The following ATP8B4 variants were observed in gnomAD, a reference collection of about 807,000 sequenced individuals.
ATP8B4 encodes the protein ATPase phospholipid transporting 8B4 (putative).
ATP8B4 carries 133 observed loss-of-function variants against 145.6 expected under a neutral mutation model. The observed-to-expected ratio is 0.91, with a 90% CI of 0.79 to 1.05. The LOEUF (loss-of-function observed/expected upper bound fraction) is 1.05, where lower values mean the gene tolerates loss of function less well. ATP8B4 is among the 50% of genes least tolerant of loss of function. The pLI, the probability that ATP8B4 is intolerant of heterozygous loss-of-function variation, is 0.00. For missense variants in ATP8B4, 1,458 were observed against 1,425.2 expected, an observed-to-expected ratio of 1.02 and a Z score of -0.37; for synonymous variants, 507 against 492.9, an observed-to-expected ratio of 1.03 and a Z score of -0.38.
At chr15:49,937,355 A>G (rs1358634835) in intron 14 of ATP8B4, among the ~76,000 whole-genome samples, 1 of 152,138 alleles carries the variant, frequency 6.6e-6, no homozygotes, top group Non-Finnish European at 1.5e-5. Flanking sequence ...AGCTGCCCCA[A>G]TTCTACCCAG....
chr15:49,870,855 A>G (rs1403646547), intron 25 of ATP8B4, among the ~76,000 whole-genome samples: 13 of 152,350 alleles, frequency 8.5e-5, no homozygotes, highest in Admixed American at 7.8e-4. Context: ...CTGGGAGTCT[A>G]TATATTCCTC....
chr15:49,903,513 T>C (rs560727948), intron 20 of ATP8B4, among the ~76,000 whole-genome samples: 1 of 152,326 alleles, frequency 6.6e-6, no homozygotes, highest in African/African-American at 2.4e-5. Context: ...CTGGCTTGCA[T>C]ACAACCTATA....
At chr15:49,977,806 G>C (rs1464604210) in intron 12 of ATP8B4, among the ~76,000 whole-genome samples, 1 of 152,074 alleles carries the variant, frequency 6.6e-6, no homozygotes, top group African/African-American at 2.4e-5. Context: ...TTATCTAAAG[G>C]TAAGGTGATA....
At chr15:50,053,714 G>T (rs1244391549) in intron 3 of ATP8B4, among the ~76,000 whole-genome samples, 1 of 152,058 alleles carries the variant, frequency 6.6e-6, no homozygotes, top group Non-Finnish European at 1.5e-5. Context: ...TTACTACTTG[G>T]TGGGGGGGTG....
chr15:50,149,054 C>T (rs1350175971), intron 1 of ATP8B4, among the ~76,000 whole-genome samples: 1 of 152,122 alleles, frequency 6.6e-6, no homozygotes, highest in Non-Finnish European at 1.5e-5. Flanking sequence ...CCAGGTGATT[C>T]TCTTGTTCAT....
chr15:49,978,876 G>T (rs1208580023), intron 12 of ATP8B4, among the ~76,000 whole-genome samples: 1 of 151,730 alleles, frequency 6.6e-6, no homozygotes, highest in African/African-American at 2.4e-5. Context: ...GAGGCAAAAA[G>T]AGAGACCACC....
rs546107267 is a variant in ATP8B4 at position 50,112,214 on chromosome 15, G to A, written c.-42-5206C>T. Among the ~76,000 whole-genome samples, 48 of 152,264 alleles carry A rather than the reference G, an allele frequency of 3.2e-4. 2 individuals are homozygous for A. In the South Asian group the frequency reaches 7.0e-3, roughly 22 times the overall value. ...GGAAAAGGAAGGAGCCAGGGCAGTT[G>A]AGGAAGAGACAGGAACAGTGCAGGC... On this transcript the variant is annotated intron_variant, in intron 1 of 27. Coordinates refer to ENST00000284509, the MANE Select transcript of ATP8B4 (RefSeq NM_024837.4).
chr15:49,895,792 A>G (rs976782694), intron 23 of ATP8B4: 3 of 152,244 alleles, frequency 2.0e-5, no homozygotes, highest in African/African-American at 7.2e-5. Flanking sequence ...CGTTAGTTTC[A>G]ACTTCACAGT....
At chr15:50,102,732 A>C (rs2056442485) in intron 2 of ATP8B4, among the ~76,000 whole-genome samples, 1 of 151,970 alleles carries the variant, frequency 6.6e-6, no homozygotes, top group Admixed American at 6.6e-5. Flanking sequence ...ATCCTCCCTA[A>C]ATCATTCTAT....
rs775316779 is a variant in ATP8B4 at position 49,901,177 on chromosome 15, T to TC, written c.2203dup (p.Glu735GlyfsTer36). 1.2e-6 allele frequency: 2 copies of TC among 1,613,716 alleles called. No homozygotes were observed. Among genetic ancestry groups the TC allele is most frequent in the Non-Finnish European group, 1.7e-6 (2 of 1,179,720 alleles). ...ATCCAACTCCAGCTGCTGCTTTTTT[T>TC]CACAAACTACATGGCCATTGGAAAA... On this transcript the variant is annotated frameshift_variant, in exon 21 of 28. Transcript: ENST00000284509. LOFTEE classifies it high-confidence loss of function.
intron 1 of ATP8B4, among the ~76,000 whole-genome samples, chr15:50,176,163 C>T (rs777331865): frequency 1.3e-5 from 2 of 151,384 alleles, no homozygotes; most frequent in Non-Finnish European, 2.9e-5. Context: ...TGTATATATA[C>T]ACACACAATG....
At chr15:50,039,005 C>T (rs1812382011) in intron 5 of ATP8B4, among the ~76,000 whole-genome samples, 176 bp from the exon 6 acceptor site, 1 of 152,150 alleles carries the variant, frequency 6.6e-6, no homozygotes, top group South Asian at 2.1e-4. Context: ...TAAATCAAAA[C>T]CCTTCTCACT....
At chr15:49,987,956 G>T (rs188424373) in intron 9 of ATP8B4, among the ~76,000 whole-genome samples, 11 of 152,250 alleles carry the variant, frequency 7.2e-5, no homozygotes, top group African/African-American at 2.4e-4. Context: ...GTTTAAAATA[G>T]CATACTTCTA....
upstream of ATP8B4, among the ~76,000 whole-genome samples, chr15:50,121,674 C>A (rs1027451003): frequency 2.0e-5 from 3 of 151,696 alleles, no homozygotes; most frequent in Admixed American, 6.6e-5. Flanking sequence ...AAAAAAAAAA[C>A]CTTTTATTCC....
rs768977473 is a variant in ATP8B4, at chr15:49,862,287, G to A, written c.3255C>T (p.Phe1085=). Residue 1085 remains phenylalanine (F), a synonymous_variant, in exon 27 of 28, where the codon TTC becomes TTT. Coordinates refer to ENST00000284509, the MANE Select transcript of ATP8B4 (RefSeq NM_024837.4). ...TVASVMPVVA[F]RFLKVDLYPT... ...GGTATAAATCCACCTTCAAAAATCTGAATGCCACCACTGGCATAACTGAAG... is the reference window on the plus strand; with the variant it reads ...GGTATAAATCCACCTTCAAAAATCTAAATGCCACCACTGGCATAACTGAAG... The A allele has an allele frequency of 6.2e-7, 1 of 1,613,586 alleles. No homozygotes were observed. The highest frequency in any genetic ancestry group is 1.3e-5 in the African/African-American group (1 of 74,914).
At chr15:50,073,043 C>A (rs1377048485) in intron 3 of ATP8B4, among the ~76,000 whole-genome samples, 1 of 133,012 alleles carries the variant, frequency 7.5e-6, no homozygotes, top group African/African-American at 3.0e-5. Context: ...CACACACACA[C>A]ACACACACAC....
chr15:50,008,683 C>A (rs1161054936), intron 7 of ATP8B4, among the ~76,000 whole-genome samples: 1 of 152,068 alleles, frequency 6.6e-6, no homozygotes, highest in Admixed American at 6.6e-5. Flanking sequence ...CCAATTGGAG[C>A]CTAGATCTGC....
intron 1 of ATP8B4, among the ~76,000 whole-genome samples, chr15:50,149,104 C>A (rs942983365): frequency 1.3e-5 from 2 of 152,264 alleles, no homozygotes; most frequent in Non-Finnish European, 2.9e-5. Flanking sequence ...CAGAACTAAT[C>A]TCAGGGGTTA....
At chr15:49,953,506 G>A (rs556476139) in intron 14 of ATP8B4, among the ~76,000 whole-genome samples, 1 of 152,354 alleles carries the variant, frequency 6.6e-6, no homozygotes, top group South Asian at 2.1e-4. Context: ...ACCACAGCCA[G>A]TGTGTTGAGC....
Sources: allele counts gnomAD v4.1 joint callset (sites outside exome capture counted in the v4.1 genomes callset), GRCh38; gene constraint gnomAD v4.1.1; transcripts MANE v1.5; gene names NCBI Gene and HGNC (gene_info 2026-07-23, HGNC 2026-07-21).